Variants in REV3L observed in about 807,000 individuals in gnomAD.
The protein encoded by REV3L is DNA polymerase zeta catalytic subunit.
REV3L carries 69 observed loss-of-function variants against 299.4 expected under a neutral mutation model. That is an observed-to-expected ratio of 0.23 (90% CI 0.19 to 0.28). The LOEUF (loss-of-function observed/expected upper bound fraction) is 0.28. Among genes scored for constraint, REV3L ranks in the 10% least tolerant of loss-of-function variants. The probability of loss-of-function intolerance (pLI) is 1.00; values close to 1 mark genes in which losing one functional copy is unlikely to be tolerated. For missense variants in REV3L, 3,128 were observed against 3,693.8 expected (o/e 0.85, Z 3.97); for synonymous variants, 1,238 against 1,271.4 (o/e 0.97, Z 0.56).
chr6:111,482,151 G>A (rs911311422), intron 1 of REV3L, among the ~76,000 whole-genome samples: 1 of 152,166 alleles, frequency 6.6e-6, no homozygotes, highest in Non-Finnish European at 1.5e-5. Flanking sequence ...GTCACGACCT[G>A]CACTCACAGC....
At chr6:111,481,312 T>C (rs1001224776) in intron 1 of REV3L, among the ~76,000 whole-genome samples, 1 of 152,204 alleles carries the variant, frequency 6.6e-6, no homozygotes, top group Non-Finnish European at 1.5e-5. Context: ...ACAGCACCAC[T>C]ATATTTAAAA....
chr6:111,430,207 A>C, intron 1 of REV3L: 1 of 817,794 alleles, frequency 1.2e-6, no homozygotes, highest in South Asian at 1.3e-5. Flanking sequence ...TTAGCCAAAC[A>C]AGAAGAAGTA....
intron 2 of REV3L, chr6:111,412,101 G>C: frequency 1.0e-6 from 1 of 985,222 alleles, no homozygotes; most frequent in Non-Finnish European, 1.2e-6. Flanking sequence ...TCAATAAGCA[G>C]AGACAATGTA....
Position 111,307,345 on chromosome 6 carries a change from T to C in REV3L, c.9252+16A>G, listed in dbSNP as rs768148576. On this transcript the variant is annotated intron_variant, in intron 31 of 31. Coordinates refer to ENST00000368802, the MANE Select transcript of REV3L (RefSeq NM_001372078.1). ...CAGACTGCTTGTGATTCTGGGCCCA[T>C]GGAACAAAACTGTACCTTTACAAGT... 9 of 1,609,608 alleles carry C rather than the reference T, an allele frequency of 5.6e-6. No homozygotes were observed. In the East Asian group the frequency reaches 6.7e-5, roughly 12 times the overall value.
At position 111,307,588 on chromosome 6, in the gene REV3L, C is replaced by T. The variant is rs56089363; in HGVS notation, c.9043-18G>A. On this transcript the variant is annotated intron_variant, in intron 30 of 31. Transcript: ENST00000368802. ...TTATGGATCTATAAAAACATCCATT[C>T]AGAAGTAAGCCTGAGTCAGCTTCAC... 103 of 1,612,214 alleles carry T rather than the reference C, an allele frequency of 6.4e-5. No homozygotes were observed. In the African/African-American group the frequency reaches 1.2e-3, roughly 19 times the overall value.
chr6:111,358,536 C>T (rs1467462835), intron 17 of REV3L, among the ~76,000 whole-genome samples: 1 of 152,132 alleles, frequency 6.6e-6, no homozygotes, highest in Non-Finnish European at 1.5e-5. Flanking sequence ...AATCATAGTG[C>T]ACTACAGCCC....
intron 6 of REV3L, among the ~76,000 whole-genome samples, chr6:111,389,727 ATTTTTTTT>A (rs10713895): frequency 4.3e-4 from 35 of 81,388 alleles, no homozygotes; most frequent in Non-Finnish European, 6.5e-4. Context: ...TTGGTCATTA[ATTTTTTTT>A]TTTTTTTTTT....
rs1015946487 is a variant in REV3L, at chr6:111,376,548, T to C, written c.1807A>G (p.Asn603Asp). Residue 603 changes from asparagine (N) to aspartate (D), a missense_variant, in exon 13 of 32, where the codon AAC (asparagine) becomes GAC (aspartate). This residue lies in a region of REV3L where 2,409 missense variants were observed against 2,611.8 expected (regional missense o/e 0.92). Coordinates refer to ENST00000368802, the MANE Select transcript of REV3L (RefSeq NM_001372078.1). ...EDLIEDLSQT[N>D]KNTEKGLDNS... ...TCTAGACCTTTTTCTGTATTTTTGTTTGTCTGTGAAAGGTCTTCAATTAAA... is the reference window on the plus strand; with the variant it reads ...TCTAGACCTTTTTCTGTATTTTTGTCTGTCTGTGAAAGGTCTTCAATTAAA... 10 of 1,612,274 alleles carry C rather than the reference T, an allele frequency of 6.2e-6. No individual in the cohort carries two copies. Among genetic ancestry groups the C allele is most frequent in the South Asian group, 5.5e-5 (5 of 90,604 alleles).
At chr6:111,329,476 C>T (rs1283742350) in intron 25 of REV3L, 56 bp downstream of exon 25, 21 of 1,514,646 alleles carry the variant, frequency 1.4e-5, no homozygotes, top group African/African-American at 2.7e-5. Flanking sequence ...TGAGTGCCAC[C>T]GTGCCTCACT....
At chr6:111,330,470 A>G (rs1169341626) in intron 24 of REV3L, among the ~76,000 whole-genome samples, 1 of 152,230 alleles carries the variant, frequency 6.6e-6, no homozygotes, top group African/African-American at 2.4e-5. Context: ...GACACGTGCA[A>G]GGTAATGCAT....
chr6:111,315,899 G>A (rs967599442), intron 26 of REV3L, among the ~76,000 whole-genome samples: 6 of 152,190 alleles, frequency 3.9e-5, no homozygotes, highest in South Asian at 2.1e-4. Context: ...CCTGGTCTGC[G>A]GAAAAATTGT....
chr6:111,483,463 G>T (rs1473810753), upstream of REV3L: 4 of 506,540 alleles, frequency 7.9e-6, no homozygotes, highest in Non-Finnish European at 1.5e-5. Context: ...TCACCTGGGT[G>T]AGGGGCAGCG....
chr6:111,350,211 G>GC (rs1777449127), intron 19 of REV3L, among the ~76,000 whole-genome samples: 1 of 151,798 alleles, frequency 6.6e-6, no homozygotes, highest in African/African-American at 2.4e-5. Context: ...GTTATATCTT[G>GC]CCCAAGATCT....
chr6:111,322,786 GAGAAA>G (rs1774328915), intron 25 of REV3L, 108 bp from the exon 26 acceptor site: 1 of 794,338 alleles, frequency 1.3e-6, no homozygotes, highest in African/African-American at 1.8e-5. Context: ...GAAATGAAAC[GAGAAA>G]AGAACGTAAA....
intron 31 of REV3L, among the ~76,000 whole-genome samples, chr6:111,303,737 T>A (rs1359094310): frequency 3.2e-5 from 4 of 123,462 alleles, no homozygotes; most frequent in East Asian, 2.5e-4. Context: ...TTTTTTTTTT[T>A]AAGATGGAGT....
chr6:111,360,735 C>T (rs946407006), intron 16 of REV3L: 2 of 152,240 alleles, frequency 1.3e-5, no homozygotes, highest in Admixed American at 6.6e-5. Context: ...CCTCAACCTC[C>T]CGAAGTGCTA....
Position 111,376,674 on chromosome 6 carries a change from G to A in REV3L, c.1681C>T (p.His561Tyr), listed in dbSNP as rs1247735721. ...GGTTCTAATGTAGCAGCATCTTTGTGAAAGATGGAGGGTTTAACTGAAAGC... is the reference window on the plus strand; with the variant it reads ...GGTTCTAATGTAGCAGCATCTTTGTAAAAGATGGAGGGTTTAACTGAAAGC... Reference protein sequence around the residue: ...SKLSVKPSIFHKDAATLEPSS... With the variant: ...SKLSVKPSIFYKDAATLEPSS... Residue 561 changes from histidine to tyrosine, a missense_variant, in exon 13 of 32, where the codon CAC becomes TAC. Coordinates refer to ENST00000368802, the MANE Select transcript of REV3L (RefSeq NM_001372078.1). 1 of 1,610,220 alleles carries A rather than the reference G, an allele frequency of 6.2e-7. No individual in the cohort carries two copies. The highest frequency in any genetic ancestry group is 1.3e-5 in the African/African-American group (1 of 75,034).
intron 22 of REV3L, among the ~76,000 whole-genome samples, chr6:111,333,969 C>T (rs1775659453): frequency 1.3e-5 from 2 of 152,038 alleles, no homozygotes; most frequent in African/African-American, 4.8e-5. Flanking sequence ...GATGAAGTCT[C>T]GCTCTGTTGT....
At chr6:111,403,633 C>T (rs1204629532) in intron 4 of REV3L, among the ~76,000 whole-genome samples, 1 of 152,174 alleles carries the variant, frequency 6.6e-6, no homozygotes, top group Non-Finnish European at 1.5e-5. Flanking sequence ...ACTGGCCATT[C>T]CCGTTTCTTT....
Sources: allele counts gnomAD v4.1 joint callset (sites outside exome capture counted in the v4.1 genomes callset), GRCh38; gene constraint gnomAD v4.1.1; regional missense constraint gnomAD v4.1.1; transcripts MANE v1.5; gene names NCBI Gene and HGNC (gene_info 2026-07-23, HGNC 2026-07-21).